The following COP1 variants were observed in gnomAD, a reference collection of about 807,000 sequenced individuals.
COP1 encodes the protein COP1 E3 ubiquitin ligase.
A neutral mutation model predicts 101.3 loss-of-function variants in COP1; 24 were observed. The ratio of observed to expected loss-of-function variants is 0.24; its 90% CI spans 0.17 to 0.33. The LOEUF (loss-of-function observed/expected upper bound fraction) is 0.33, where lower values mean the gene tolerates loss of function less well. COP1 is among the 10% of genes least tolerant of loss of function. The pLI, the probability that COP1 is intolerant of heterozygous loss-of-function variation, is 1.00. For synonymous variants in COP1, 347 were observed against 341.9 expected (o/e 1.01, Z -0.17); for missense variants, 663 against 906.2 (o/e 0.73, Z 3.45).
At chr1:176,072,533 C>T (rs1677182783) in intron 11 of COP1, among the ~76,000 whole-genome samples, 2 of 152,168 alleles carry the variant, frequency 1.3e-5, no homozygotes, top group African/African-American at 4.8e-5. Context: ...TGGTCAATAA[C>T]GCTTAAGACA....
chr1:176,023,343 A>C (rs1667088393), intron 15 of COP1, among the ~76,000 whole-genome samples: 1 of 152,258 alleles, frequency 6.6e-6, no homozygotes, highest in Non-Finnish European at 1.5e-5. Flanking sequence ...ATTACTATTG[A>C]CAATACAGGA....
At chr1:176,192,154 T>C (rs1214019193) in intron 1 of COP1, among the ~76,000 whole-genome samples, 1 of 151,578 alleles carries the variant, frequency 6.6e-6, no homozygotes, top group East Asian at 1.9e-4. Flanking sequence ...CCAAGAAGTA[T>C]CTCTGCTGAT....
chr1:176,133,971 A>C, intron 8 of COP1: 1 of 435,186 alleles, frequency 2.3e-6, no homozygotes, highest in Non-Finnish European at 4.6e-6. Context: ...ATAGAAGAAA[A>C]TCGGCTGAAT....
chr1:176,065,793 C>T (rs962064830), intron 11 of COP1, among the ~76,000 whole-genome samples: 5 of 151,546 alleles, frequency 3.3e-5, no homozygotes, highest in Middle Eastern at 3.4e-3. Flanking sequence ...CTGCAACCTC[C>T]ACCCCCTGGG....
intron 9 of COP1, among the ~76,000 whole-genome samples, chr1:176,086,230 T>TC (rs1361745163): frequency 4.5e-4 from 66 of 147,760 alleles, no homozygotes; most frequent in Non-Finnish European, 7.3e-4. Context: ...AATCTTTCTT[T>TC]TTTTTTTTTT....
intron 15 of COP1, among the ~76,000 whole-genome samples, chr1:176,024,873 AAAG>A (rs1275329732): frequency 6.2e-4 from 94 of 152,340 alleles, no homozygotes; most frequent in Admixed American, 1.6e-3. Flanking sequence ...AAATTTAACA[AAAG>A]AAGTTCAAGA....
chr1:176,184,606 T>G (rs1698225189), intron 2 of COP1, 27 bp downstream of exon 2: 1 of 1,541,554 alleles, frequency 6.5e-7, no homozygotes, highest in Non-Finnish European at 8.9e-7. Context: ...TGTTAAAAGA[T>G]TATTTTACTC....
intron 6 of COP1, among the ~76,000 whole-genome samples, chr1:176,138,055 T>C (rs555412136): frequency 1.9e-4 from 29 of 152,062 alleles, no homozygotes; most frequent in Non-Finnish European, 3.5e-4. Context: ...AGAAGAGGAC[T>C]AGATAACTAA....
chr1:176,126,809 C>T (rs1688064426), intron 8 of COP1, among the ~76,000 whole-genome samples: 1 of 152,096 alleles, frequency 6.6e-6, no homozygotes, highest in Non-Finnish European at 1.5e-5. Context: ...ATCTTTCATT[C>T]TGTTGATGAT....
intron 5 of COP1, among the ~76,000 whole-genome samples, chr1:176,152,251 C>A (rs779366048): frequency 6.6e-6 from 1 of 151,464 alleles, no homozygotes; most frequent in Admixed American, 6.6e-5. Flanking sequence ...AAAAGCGAGA[C>A]CTTCTCTCTC....
chr1:176,038,069 C>T (rs1188722939), intron 14 of COP1, among the ~76,000 whole-genome samples: 1 of 152,124 alleles, frequency 6.6e-6, no homozygotes, highest in Non-Finnish European at 1.5e-5. Context: ...TAATCTATAC[C>T]TACAGTGACT....
At chr1:176,184,377 A>G (rs1016087606) in intron 2 of COP1, among the ~76,000 whole-genome samples, 4 of 152,170 alleles carry the variant, frequency 2.6e-5, no homozygotes, top group Admixed American at 6.5e-5. Flanking sequence ...AAAAGTTCCT[A>G]TTAACAATTA....
chr1:176,112,631 T>A (rs1385152791), intron 9 of COP1, among the ~76,000 whole-genome samples: 2 of 152,216 alleles, frequency 1.3e-5, no homozygotes, highest in African/African-American at 4.8e-5. Flanking sequence ...ATTTCCCTAC[T>A]GTATTATCAA....
intron 15 of COP1, among the ~76,000 whole-genome samples, chr1:176,024,897 G>A (rs1308001701): frequency 6.6e-6 from 1 of 152,022 alleles, no homozygotes; most frequent in Non-Finnish European, 1.5e-5. Flanking sequence ...CTTCTACACT[G>A]AAAATTACAA....
chr1:175,986,947 T>C lies in COP1; in HGVS notation c.2129A>G (p.Asp710Gly), dbSNP rs1457241792. 1.9e-6 allele frequency: 3 copies of C among 1,590,538 alleles called. No individual in the cohort carries two copies. The highest frequency in any genetic ancestry group is 2.6e-6 in the Non-Finnish European group (3 of 1,172,558). ...VSAVCWRALP[D>G]GESNVLIAAN... ...AAAACTGATATGAAAACTTACCCCA[T>C]CTGGTAGTGCCCTCCAGCACACAGC... The change falls in exon 18 of 20, where the codon GAT becomes GGT. Residue 710 changes from aspartate to glycine, a missense_variant. Coordinates refer to ENST00000367669, the MANE Select transcript of COP1 (RefSeq NM_022457.7).
intron 6 of COP1, among the ~76,000 whole-genome samples, chr1:176,138,562 C>T (rs1415171158): frequency 6.6e-6 from 1 of 152,166 alleles, no homozygotes; most frequent in Non-Finnish European, 1.5e-5. Context: ...TTTCAAATAA[C>T]AGCTGCTCAA....
chr1:175,979,232 G>A (rs1655253961), intron 18 of COP1, among the ~76,000 whole-genome samples: 1 of 151,980 alleles, frequency 6.6e-6, no homozygotes, highest in Non-Finnish European at 1.5e-5. Context: ...AAATAGAATT[G>A]TTTTGTTAAT....
At chr1:175,951,655 C>T (rs865786518) in intron 18 of COP1, among the ~76,000 whole-genome samples, 4 of 151,788 alleles carry the variant, frequency 2.6e-5, no homozygotes, top group African/African-American at 9.7e-5. Flanking sequence ...GAGGCAATTT[C>T]TGGACCACAA....
chr1:175,954,421 C>G (rs1159485685), intron 18 of COP1, among the ~76,000 whole-genome samples: 1 of 151,232 alleles, frequency 6.6e-6, no homozygotes, highest in Non-Finnish European at 1.5e-5. Flanking sequence ...TCATGAAGAG[C>G]AGAAATCAAA....
Sources: allele counts gnomAD v4.1 joint callset (sites outside exome capture counted in the v4.1 genomes callset), GRCh38; gene constraint gnomAD v4.1.1; transcripts MANE v1.5; gene names NCBI Gene and HGNC (gene_info 2026-07-23, HGNC 2026-07-21).